The following DNAAF11 variants were observed in gnomAD, a reference collection of about 807,000 sequenced individuals.
DNAAF11 encodes the protein leucine rich repeat containing 6.
In DNAAF11, 45 loss-of-function variants were observed where a neutral mutation model predicts 60.8. The ratio of observed to expected loss-of-function variants is 0.74; its 90% CI spans 0.58 to 0.95. The LOEUF (loss-of-function observed/expected upper bound fraction) is 0.95, where lower values mean the gene tolerates loss of function less well. DNAAF11 is among the 40% of genes least tolerant of loss of function. The probability of loss-of-function intolerance (pLI) is 0.00; values close to 1 mark genes in which losing one functional copy is unlikely to be tolerated. For synonymous variants in DNAAF11, 191 were observed against 183.5 expected, an observed-to-expected ratio of 1.04 and a Z score of -0.33; for missense variants, 546 against 546.2, an observed-to-expected ratio of 1.00 and a Z score of 0.00.
At chr8:132,677,886 A>G (rs1335388203), upstream of DNAAF11, among the ~76,000 whole-genome samples, 1 of 151,926 alleles carries the variant, frequency 6.6e-6, no homozygotes, top group African/African-American at 2.4e-5. Flanking sequence ...AAAGGGGTGA[A>G]CTCCATTTGG....
chr8:132,650,986 C>G (rs1186935507), intron 3 of DNAAF11, among the ~76,000 whole-genome samples: 1 of 152,174 alleles, frequency 6.6e-6, no homozygotes, highest in East Asian at 1.9e-4. Context: ...CATTTGTCAT[C>G]CCAAATATGA....
At chr8:132,621,323 G>T (rs118066360) in intron 7 of DNAAF11, among the ~76,000 whole-genome samples, 197 of 152,256 alleles carry the variant, frequency 1.3e-3, no homozygotes, top group Admixed American at 1.9e-3. Flanking sequence ...GGTCCAAAAG[G>T]GGTGACAATG....
chr8:132,658,873 G>C, intron 2 of DNAAF11, among the ~76,000 whole-genome samples: 1 of 151,906 alleles, frequency 6.6e-6, no homozygotes, highest in East Asian at 1.9e-4. Flanking sequence ...GGACACAGCG[G>C]GTTAAAAAAA....
the DNAAF11 span, among the ~76,000 whole-genome samples, chr8:132,696,159 G>A: frequency 6.6e-6 from 1 of 152,188 alleles, no homozygotes; most frequent in Non-Finnish European, 1.5e-5. Flanking sequence ...AGCAGAGAAA[G>A]TGGGTTGCCA....
intron 10 of DNAAF11, among the ~76,000 whole-genome samples, chr8:132,604,508 G>A (rs1817947346): frequency 6.6e-6 from 1 of 152,176 alleles, no homozygotes; most frequent in Admixed American, 6.6e-5. Flanking sequence ...TATTCTTGGA[G>A]TGTTCCTGTA....
chr8:132,632,782 G>C lies in DNAAF11; in HGVS notation c.611C>G (p.Ala204Gly). ...EDKNEDKRSN[A>G]GFDGRWYTDI... ...TGTGTACCAACGTCCATCAAAGCCT[G>C]CGTTACTTCTCTTGTCTTCATTTTT... Residue 204 changes from alanine to glycine, a missense_variant, in exon 5 of 12, where the codon GCA becomes GGA. Physicochemically the swap from Ala to Gly is moderately conservative, Grantham distance 60. Coordinates refer to ENST00000620350, the MANE Select transcript of DNAAF11 (RefSeq NM_012472.6). 6.8e-6 allele frequency: 11 copies of C among 1,613,848 alleles called. No individual in the cohort carries two copies. The highest frequency in any genetic ancestry group is 9.3e-6 in the Non-Finnish European group (11 of 1,179,784).
intron 11 of DNAAF11, among the ~76,000 whole-genome samples, chr8:132,580,894 C>A (rs1815258125): frequency 6.6e-6 from 1 of 152,170 alleles, no homozygotes; most frequent in Non-Finnish European, 1.5e-5. Flanking sequence ...AGCCAACTCA[C>A]TCTTCAAGAA....
At chr8:132,611,238 A>C (rs891301003) in intron 9 of DNAAF11, 56 bp downstream of exon 9, 1 of 1,233,918 alleles carries the variant, frequency 8.1e-7, no homozygotes, top group Non-Finnish European at 1.2e-6. Context: ...GAGGCACCAC[A>C]GCTTAGTTCA....
chr8:132,632,852 C>G lies in DNAAF11; in HGVS notation c.541G>C (p.Ala181Pro). ...EQEKDHCLKR[A>P]KLKEEAQRKH... Reference sequence around the variant, plus strand: ...CTCTGAGCCTCTTCCTTGAGTTTGGCTCGTTTAAGACAGTGATCTTTTTCC... The same window carrying G: ...CTCTGAGCCTCTTCCTTGAGTTTGGGTCGTTTAAGACAGTGATCTTTTTCC... The change falls in exon 5 of 12, where the codon GCC becomes CCC. Residue 181 changes from alanine to proline, a missense_variant. Transcript: ENST00000620350. 1.2e-6 allele frequency: 2 copies of G among 1,613,830 alleles called. No homozygotes were observed. Among genetic ancestry groups the G allele is most frequent in the Non-Finnish European group, 8.5e-7 (1 of 1,179,812 alleles).
At chr8:132,594,900 G>T (rs772088870) in intron 10 of DNAAF11, among the ~76,000 whole-genome samples, 53 of 152,084 alleles carry the variant, frequency 3.5e-4, no homozygotes, top group Middle Eastern at 3.4e-3. Context: ...CCAAGAATGG[G>T]GGTGGTTTCC....
rs1008308887 is a variant in DNAAF11, at chr8:132,632,750, T to A, written c.643A>T (p.Asn215Tyr). 1.2e-6 allele frequency: 2 copies of A among 1,608,642 alleles called. No homozygotes were observed. The highest frequency in any genetic ancestry group is 1.7e-6 in the Non-Finnish European group (2 of 1,175,158). Residue 215 changes from asparagine to tyrosine, a missense_variant, in exon 5 of 12, where the codon AAT (asparagine) becomes TAT (tyrosine). Asn to Tyr is a moderately radical substitution (Grantham distance 143, BLOSUM62 -2). Transcript: ENST00000620350. ...GFDGRWYTDINATLSSLESKD... is the reference protein window; with the variant it reads ...GFDGRWYTDIYATLSSLESKD... ...TAATAATTTACATACAGAGTAGCAT[T>A]GATGTCTGTGTACCAACGTCCATCA...
At chr8:132,579,823 T>C (rs2130984484) in intron 11 of DNAAF11, among the ~76,000 whole-genome samples, 1 of 152,054 alleles carries the variant, frequency 6.6e-6, no homozygotes, top group South Asian at 2.1e-4. Flanking sequence ...GGCAAAAACC[T>C]GTCTCTACTA....
At chr8:132,649,517 G>A (rs780111011) in intron 3 of DNAAF11, among the ~76,000 whole-genome samples, 2 of 152,140 alleles carry the variant, frequency 1.3e-5, no homozygotes, top group Non-Finnish European at 2.9e-5. Context: ...ATTGACAAAT[G>A]GGATCTAATT....
At chr8:132,623,016 T>A (rs759121215) in intron 6 of DNAAF11, among the ~76,000 whole-genome samples, 7 of 152,212 alleles carry the variant, frequency 4.6e-5, no homozygotes, top group Non-Finnish European at 8.8e-5. Flanking sequence ...ATTTTATACA[T>A]GATTTACCCA....
intron 1 of DNAAF11, among the ~76,000 whole-genome samples, chr8:132,663,356 A>G (rs1294934146): frequency 6.6e-6 from 1 of 152,224 alleles, no homozygotes; most frequent in Non-Finnish European, 1.5e-5. Context: ...TGGTTCTAAC[A>G]GCTTAAATCA....
In DNAAF11 at chr8:132,589,261, A is replaced by G. The variant is rs145886334; in HGVS notation, c.1141-5482T>C. Among the ~76,000 whole-genome samples the G allele has an allele frequency of 6.0e-3, 918 of 152,332 alleles. 19 individuals are homozygous for G. Among genetic ancestry groups the G allele is most frequent in the African/African-American group, 0.021 (866 of 41,570 alleles). On this transcript the variant is annotated intron_variant, in intron 10 of 11. Transcript: ENST00000620350. ...AGCAGAGACAGGAAAGTAAATGACC[A>G]CACAAACTAGCACGAAATATGTGGC... is the stretch of plus-strand genomic sequence containing the variant.
At chr8:132,637,618 AC>A (rs1821430471) in intron 4 of DNAAF11, among the ~76,000 whole-genome samples, 1 of 152,058 alleles carries the variant, frequency 6.6e-6, no homozygotes, top group African/African-American at 2.4e-5. Flanking sequence ...AAAAAAAAAA[AC>A]AAGTAATAAT....
intron 6 of DNAAF11, among the ~76,000 whole-genome samples, chr8:132,623,397 A>G (rs1003256951): frequency 2.6e-5 from 4 of 152,116 alleles, no homozygotes; most frequent in Non-Finnish European, 5.9e-5. Flanking sequence ...CTACATTTGC[A>G]GAGATAAGTT....
intron 3 of DNAAF11, among the ~76,000 whole-genome samples, chr8:132,654,024 A>AT (rs2130751307): frequency 6.6e-6 from 1 of 152,236 alleles, no homozygotes. Context: ...AAAGAGAAGC[A>AT]TTTTAGATTC....
Sources: allele counts gnomAD v4.1 joint callset (sites outside exome capture counted in the v4.1 genomes callset), GRCh38; gene constraint gnomAD v4.1.1; transcripts MANE v1.5; gene names NCBI Gene and HGNC (gene_info 2026-07-23, HGNC 2026-07-21).